TANC2: variants seen among roughly 807,000 people sequenced by gnomAD.
TANC2 encodes protein TANC2.
In TANC2, 26 loss-of-function variants were observed where a neutral mutation model predicts 210.5. That is an observed-to-expected ratio of 0.12 (90% CI 0.09 to 0.17). TANC2 has a LOEUF of 0.17. Ranked by LOEUF, TANC2 falls within the 10% of genes least tolerant of loss-of-function variation. The pLI is 1.00. For missense variants in TANC2, 2,129 were observed against 2,608.9 expected, an observed-to-expected ratio of 0.82 and a Z score of 4.01; for synonymous variants, 931 against 967.1, an observed-to-expected ratio of 0.96 and a Z score of 0.69.
intron 21 of TANC2, among the ~76,000 whole-genome samples, chr17:63,410,774 T>C (rs568930183): frequency 6.2e-4 from 87 of 141,280 alleles, no homozygotes; most frequent in Non-Finnish European, 9.0e-4. Flanking sequence ...GGCAGGAGAA[T>C]TGTCTGAACC....
chr17:63,135,493 A>G (rs1296955208), intron 4 of TANC2, among the ~76,000 whole-genome samples: 1 of 152,142 alleles, frequency 6.6e-6, no homozygotes, highest in Non-Finnish European at 1.5e-5. Flanking sequence ...CAAAAGCCAT[A>G]CATTTGAAAG....
At chr17:63,296,022 C>T (rs2044525607) in intron 9 of TANC2, among the ~76,000 whole-genome samples, 1 of 152,098 alleles carries the variant, frequency 6.6e-6, no homozygotes, top group African/African-American at 2.4e-5. Flanking sequence ...GTGCATCTGT[C>T]TGAATGTCTG....
chr17:63,374,517 AG>A (rs1377681365), intron 14 of TANC2, among the ~76,000 whole-genome samples: 8 of 152,146 alleles, frequency 5.3e-5, no homozygotes, highest in Admixed American at 3.9e-4. Flanking sequence ...GATGTGTACC[AG>A]GTACAACAGG....
intron 5 of TANC2, among the ~76,000 whole-genome samples, chr17:63,188,972 T>C (rs2041095233): frequency 1.3e-5 from 2 of 152,068 alleles, no homozygotes. Flanking sequence ...ATGGCTTGTC[T>C]ACTTTTTATT....
chr17:63,083,728 A>C (rs1316804736), intron 3 of TANC2, among the ~76,000 whole-genome samples: 1 of 152,134 alleles, frequency 6.6e-6, no homozygotes, highest in Non-Finnish European at 1.5e-5. Flanking sequence ...CTTTTTATGG[A>C]TCTGATCATA....
intron 4 of TANC2, among the ~76,000 whole-genome samples, chr17:63,118,499 G>T (rs1296472473): frequency 6.6e-6 from 1 of 152,160 alleles, no homozygotes; most frequent in Non-Finnish European, 1.5e-5. Flanking sequence ...TGTCTTGAAA[G>T]TAGGAACTTG....
intron 8 of TANC2, among the ~76,000 whole-genome samples, chr17:63,262,004 T>G (rs922346398): frequency 8.5e-5 from 13 of 152,234 alleles, no homozygotes; most frequent in Non-Finnish European, 1.8e-4. Context: ...CTGAATGGTT[T>G]GTTATCTAAA....
rs2147397235 is a variant in TANC2, at chr17:63,418,080, T to C, written c.4168-227T>C. ...AGGGAAAATTAAAACTATTTTAATA[T>C]TCTGGGCAGATAAAGTCCAGTGAGC... On this transcript the variant is annotated intron_variant, in intron 26 of 27. Coordinates refer to ENST00000689528, the Ensembl canonical transcript of TANC2. The surrounding 1 kb of genome is among the most constrained non-coding windows in gnomAD (Gnocchi z 4.6). Among the ~76,000 whole-genome samples, 1 of 152,348 alleles carries C rather than the reference T, an allele frequency of 6.6e-6. No homozygotes were observed. Among genetic ancestry groups the C allele is most frequent in the East Asian group, 1.9e-4 (1 of 5,190 alleles).
intron 10 of TANC2, among the ~76,000 whole-genome samples, chr17:63,317,270 G>A (rs973256798): frequency 6.6e-5 from 10 of 152,024 alleles, no homozygotes; most frequent in African/African-American, 2.4e-4. Context: ...GTACTGCCTT[G>A]CTTGGCTGTC....
At chr17:63,224,654 C>T (rs998262773) in intron 7 of TANC2, among the ~76,000 whole-genome samples, 1 of 152,198 alleles carries the variant, frequency 6.6e-6, no homozygotes, top group African/African-American at 2.4e-5. Context: ...ATAACATCTC[C>T]CTATTAACTG....
chr17:63,012,175 C>T (rs916535648), intron 2 of TANC2, among the ~76,000 whole-genome samples: 1 of 151,958 alleles, frequency 6.6e-6, no homozygotes, highest in African/African-American at 2.4e-5. Context: ...CACCACCACA[C>T]CTAGCTAATT....
rs151247430 is a variant in TANC2, at chr17:63,006,583, AT to A, written c.-23-2953del. On this transcript the variant is annotated intron_variant, in intron 1 of 27. Transcript: ENST00000689528. ...ACAGGAGATTTTCTAGATTAAAAAA[AT>A]ATTTACTTCTAGCTTAATTGCTTTG... Among the ~76,000 whole-genome samples, 160 of 152,286 alleles carry A rather than the reference AT, an allele frequency of 1.1e-3. 1 individual carries two copies. The highest frequency in any genetic ancestry group is 3.8e-3 in the African/African-American group (158 of 41,584).
chr17:63,142,902 A>G (rs1334816676), intron 4 of TANC2, among the ~76,000 whole-genome samples: 1 of 152,194 alleles, frequency 6.6e-6, no homozygotes, highest in African/African-American at 2.4e-5. Context: ...TAAATTGTGT[A>G]GCCTATGTTT....
intron 21 of TANC2, 59 bp from the exon 22 acceptor site, chr17:63,411,452 C>G: frequency 6.6e-7 from 1 of 1,510,050 alleles, no homozygotes; most frequent in African/African-American, 1.4e-5. Flanking sequence ...CAGCGTACTT[C>G]CCCTCCTGCT....
chr17:63,067,860 A>G (rs1018792684), intron 2 of TANC2, among the ~76,000 whole-genome samples: 1 of 152,200 alleles, frequency 6.6e-6, no homozygotes, highest in Admixed American at 6.5e-5. Flanking sequence ...GGAGTTCCAG[A>G]AAAAGAGAAG....
intron 4 of TANC2, among the ~76,000 whole-genome samples, chr17:63,125,782 G>A (rs549692287): frequency 6.6e-6 from 1 of 152,292 alleles, no homozygotes; most frequent in African/African-American, 2.4e-5. Flanking sequence ...ATAATGAGAA[G>A]CTTTGATATA....
intron 2 of TANC2, among the ~76,000 whole-genome samples, chr17:63,010,634 G>C (rs2143839325): frequency 6.6e-6 from 1 of 152,178 alleles, no homozygotes; most frequent in East Asian, 1.9e-4. Flanking sequence ...AATTGCGTGT[G>C]GTGGATCCCC....
chr17:63,098,511 GTGTGTATATA>G (rs755940140), intron 3 of TANC2, among the ~76,000 whole-genome samples: 4,023 of 72,592 alleles, frequency 0.055, 183 homozygotes, highest in African/African-American at 0.12. Flanking sequence ...CTCTCTCTCT[GTGTGTATATA>G]TATATATATA....
intron 11 of TANC2, among the ~76,000 whole-genome samples, chr17:63,322,623 G>C (rs1203640310): frequency 3.9e-5 from 6 of 152,182 alleles, no homozygotes; most frequent in African/African-American, 1.4e-4. Flanking sequence ...TATAGTCCAG[G>C]ACTGAAGATA....
Sources: gnomAD v4.1 joint callset for allele counts (sites outside exome capture counted in the v4.1 genomes callset) on GRCh38, gnomAD v4.1.1 for gene constraint, Gnocchi (gnomAD v3.1) non-coding constraint, MANE v1.5 for transcripts, NCBI Gene and HGNC (gene_info 2026-07-23, HGNC 2026-07-21) for gene names.